The following SYT14 variants were observed in gnomAD, a reference collection of about 807,000 sequenced individuals.
SYT14 encodes synaptotagmin 14.
A neutral mutation model predicts 74.2 loss-of-function variants in SYT14; 32 were observed. The observed-to-expected ratio is 0.43, with a 90% confidence interval of 0.33 to 0.58. SYT14 has a LOEUF of 0.58. SYT14 is among the 20% of genes least tolerant of loss of function. The pLI is 0.05. For missense variants in SYT14, 791 were observed against 981.8 expected (o/e 0.81, Z 2.60); for synonymous variants, 298 against 337.7 (o/e 0.88, Z 1.29).
At chr1:209,961,553 A>G (rs2079075711) in intron 2 of SYT14, among the ~76,000 whole-genome samples, 1 of 152,146 alleles carries the variant, frequency 6.6e-6, no homozygotes, top group African/African-American at 2.4e-5. Flanking sequence ...AAATGGTGAC[A>G]TTATTAAGGC....
At chr1:209,960,883 C>T (rs2079065954) in intron 2 of SYT14, among the ~76,000 whole-genome samples, 1 of 151,982 alleles carries the variant, frequency 6.6e-6, no homozygotes, top group South Asian at 2.1e-4. Context: ...TAAGAGAGTA[C>T]AAGGTGTGAG....
chr1:209,953,777 ATCT>A (rs1271820415), intron 2 of SYT14, among the ~76,000 whole-genome samples: 7 of 152,216 alleles, frequency 4.6e-5, no homozygotes, highest in African/African-American at 9.6e-5. Flanking sequence ...TTCATTTAAA[ATCT>A]TCTTCCTTTA....
chr1:210,153,242 C>T (rs1348783132), intron 7 of SYT14, among the ~76,000 whole-genome samples: 1 of 152,172 alleles, frequency 6.6e-6, no homozygotes, highest in Non-Finnish European at 1.5e-5. Context: ...GTCCTCACCA[C>T]ATTTGGTATT....
intron 7 of SYT14, among the ~76,000 whole-genome samples, chr1:210,111,115 A>G (rs2082253933): frequency 6.6e-6 from 1 of 152,226 alleles, no homozygotes; most frequent in South Asian, 2.1e-4. Flanking sequence ...TGAAGAGACC[A>G]CCAAACAGGC....
rs145982079 is a variant in SYT14, at chr1:209,975,481, T to C, written c.-486+22725T>C. ...TGAGATAATCATGTGGTTTTTGTCA[T>C]TGGTTCTGTATATGCTGGATTACGT... On this transcript the variant is annotated intron_variant, in intron 2 of 9. Transcript: ENST00000637265. Among the ~76,000 whole-genome samples the C allele has an allele frequency of 9.8e-3, 1,495 of 152,344 alleles. 24 individuals carry two copies. Among genetic ancestry groups the C allele is most frequent in the African/African-American group, 0.034 (1,427 of 41,568 alleles).
intron 5 of SYT14, among the ~76,000 whole-genome samples, chr1:210,091,205 A>C (rs542872141): frequency 9.2e-5 from 14 of 152,198 alleles, no homozygotes; most frequent in Admixed American, 3.3e-4. Flanking sequence ...CCTGGAGCTC[A>C]GCTGTGAAAA....
At chr1:210,010,769 G>A (rs1169133079) in intron 2 of SYT14, among the ~76,000 whole-genome samples, 1 of 152,170 alleles carries the variant, frequency 6.6e-6, no homozygotes, top group African/African-American at 2.4e-5. Context: ...GAAAACAGAA[G>A]CAGTATGAGT....
rs994501692 is a variant in SYT14 at position 210,104,192 on chromosome 1, A to C, written c.2034+3731A>C. Among the ~76,000 whole-genome samples, 4 of 152,248 alleles carry C rather than the reference A, an allele frequency of 2.6e-5. No homozygotes were observed. The South Asian group carries it at 8.3e-4, about 32-fold the overall frequency. On this transcript the variant is annotated intron_variant, in intron 7 of 9. Transcript: ENST00000637265. Reference sequence around the variant, plus strand: ...GCAGAAATGGTATTGGTGCTGGGCCACTAACAGTTGCAGTAGAGGAAAGTC... The same window carrying C: ...GCAGAAATGGTATTGGTGCTGGGCCCCTAACAGTTGCAGTAGAGGAAAGTC...
At chr1:209,961,108 T>G (rs1468414111) in intron 2 of SYT14, among the ~76,000 whole-genome samples, 1 of 152,212 alleles carries the variant, frequency 6.6e-6, no homozygotes, top group African/African-American at 2.4e-5. Flanking sequence ...TCTCCCTTTT[T>G]GCTGGGTAGA....
chr1:210,070,845 A>G (rs2081379567), intron 5 of SYT14, among the ~76,000 whole-genome samples: 1 of 151,890 alleles, frequency 6.6e-6, no homozygotes, highest in African/African-American at 2.4e-5. Flanking sequence ...TCATGAGAGA[A>G]GCTGATTTAG....
intron 5 of SYT14, among the ~76,000 whole-genome samples, chr1:210,072,541 C>T (rs2081414378): frequency 6.6e-6 from 1 of 151,958 alleles, no homozygotes; most frequent in Non-Finnish European, 1.5e-5. Flanking sequence ...TCTGAATACT[C>T]ATAGTAGTGC....
At position 210,100,071 on chromosome 1, in the gene SYT14, A is replaced by C. The variant is rs749255767; in HGVS notation, c.1644A>C (p.Glu548Asp). The C allele has an allele frequency of 1.8e-5, 29 of 1,614,018 alleles. No individual in the cohort carries two copies. The Admixed American group carries it at 4.5e-4, about 25-fold the overall frequency. ...CTAAACCTTTTGATCCTGAGCCAGA[A>C]GCTAAATATGGCACACTGGATGTGA... Residue 548 changes from glutamate (E) to aspartate (D), a missense_variant, in exon 7 of 10, where the codon GAA becomes GAC. By Grantham distance (45) the Glu-to-Asp change is conservative (BLOSUM62 2). Coordinates refer to ENST00000637265, the Ensembl canonical transcript of SYT14.
In SYT14 at chr1:210,088,306, G is replaced by A. The variant is rs186883983; in HGVS notation, c.1313-6016G>A. Among the ~76,000 whole-genome samples, 33 of 151,382 alleles carry A rather than the reference G, an allele frequency of 2.2e-4. No homozygotes were observed. The East Asian group carries it at 5.4e-3, about 25-fold the overall frequency. ...TGGTGGTTTGCTGCACTGATCAACC[G>A]GTCATCTACATTAGGTATTTCTCCT... is the stretch of plus-strand genomic sequence containing the variant. On this transcript the variant is annotated intron_variant, in intron 5 of 9. Transcript: ENST00000637265.
intron 7 of SYT14, among the ~76,000 whole-genome samples, chr1:210,141,237 A>G (rs2082908885): frequency 6.6e-6 from 1 of 152,146 alleles, no homozygotes; most frequent in African/African-American, 2.4e-5. Context: ...TTCGTGTAAT[A>G]CAAATTTTAC....
intron 2 of SYT14, among the ~76,000 whole-genome samples, chr1:209,962,633 T>A (rs1217795159): frequency 6.6e-6 from 1 of 152,124 alleles, no homozygotes; most frequent in African/African-American, 2.4e-5. Flanking sequence ...CTTGTTATTT[T>A]TAATTTTATA....
In SYT14 at chr1:210,026,638, A is replaced by ACACACACACT. The variant is rs1553267805; in HGVS notation, c.1312+5389_1312+5390insACACTCACAC. On this transcript the variant is annotated intron_variant, in intron 5 of 9. Coordinates refer to ENST00000637265, the Ensembl canonical transcript of SYT14. ...CACACACACACACACACACACACAC[A>ACACACACACT]CACACTCACCCCTACTTGTCATTCT... Among the ~76,000 whole-genome samples the ACACACACACT allele has an allele frequency of 1.9e-4, 28 of 151,280 alleles. No homozygotes were observed. The East Asian group carries it at 4.9e-3, about 27-fold the overall frequency.
At chr1:210,006,921 A>G (rs2079998541) in intron 2 of SYT14, among the ~76,000 whole-genome samples, 1 of 151,796 alleles carries the variant, frequency 6.6e-6, no homozygotes, top group Admixed American at 6.6e-5. Flanking sequence ...TTCTTAGAAA[A>G]ACATTTTCTT....
chr1:210,145,590 A>T (rs149742585), intron 7 of SYT14, among the ~76,000 whole-genome samples: 47 of 152,338 alleles, frequency 3.1e-4, no homozygotes, highest in African/African-American at 1.1e-3. Context: ...ACAAAGCAAC[A>T]GTTACAGGAC....
chr1:209,995,973 A>T (rs2079782324), intron 2 of SYT14, among the ~76,000 whole-genome samples: 1 of 152,172 alleles, frequency 6.6e-6, no homozygotes, highest in Non-Finnish European at 1.5e-5. Flanking sequence ...GGATGCAGCT[A>T]AAGTAGTTTT....
Sources: gnomAD v4.1 joint callset for allele counts (sites outside exome capture counted in the v4.1 genomes callset) on GRCh38, gnomAD v4.1.1 for gene constraint, MANE v1.5 for transcripts, NCBI Gene and HGNC (gene_info 2026-07-23, HGNC 2026-07-21) for gene names.